Variants in PDHB observed in about 807,000 individuals in gnomAD.
PDHB encodes pyruvate dehydrogenase E1 component subunit beta, mitochondrial.
PDHB carries 17 observed loss-of-function variants against 42.8 expected under a neutral mutation model. The observed-to-expected ratio is 0.40, with a 90% CI of 0.27 to 0.60. The LOEUF is 0.60. Among genes scored for constraint, PDHB ranks in the 20% least tolerant of loss-of-function variants. The pLI, the probability that PDHB is intolerant of heterozygous loss-of-function variation, is 0.46. For missense variants in PDHB, 322 were observed against 451.3 expected (o/e 0.71, Z 2.60); for synonymous variants, 154 against 148.7 (o/e 1.04, Z -0.26).
Position 58,431,049 on chromosome 3 carries a change from A to T in PDHB, c.304-107T>A. ...CATTCAAATAATGTTTTTATTTTTT[A>T]TTTTTATTTTTTATGGACAGGGTCT... On this transcript the variant is annotated intron_variant, in intron 5 of 9. Transcript: ENST00000302746. This position sits in a 1 kb window ranked among gnomAD's most constrained non-coding sequence, Gnocchi z 4.4. The T allele has an allele frequency of 9.2e-7, 1 of 1,088,548 alleles. No homozygotes were observed. The highest frequency in any genetic ancestry group is 1.4e-6 in the Non-Finnish European group (1 of 732,554). 67.4% of individuals were successfully genotyped at this position (1,088,548 alleles called of 1,614,324 possible).
At chr3:58,429,662 AAAGGAGC>A (rs780261247) in intron 8 of PDHB, 39 bp downstream of exon 8, 2 of 1,167,004 alleles carry the variant, frequency 1.7e-6, no homozygotes, top group Non-Finnish European at 2.6e-6. Context: ...CTTAAATCTA[AAAGGAGC>A]CCTTCTAATT....
chr3:58,428,675 C>T lies in PDHB; in HGVS notation c.793-61G>A, dbSNP rs537906921. On this transcript the variant is annotated intron_variant, in intron 8 of 9. Transcript: ENST00000302746. ...TGCAGCACAAATAGAGCCTTATCCCCATAATACCATTTCCTTTTTTGTTTC... is the reference window on the plus strand; with the variant it reads ...TGCAGCACAAATAGAGCCTTATCCCTATAATACCATTTCCTTTTTTGTTTC... 5.7e-6 allele frequency: 8 copies of T among 1,405,286 alleles called. No individual in the cohort carries two copies. In the East Asian group the frequency reaches 1.4e-4, roughly 24 times the overall value. 87.1% of individuals were successfully genotyped at this position (1,405,286 alleles called of 1,614,324 possible).
chr3:58,432,425 G>A (rs1277369184), intron 2 of PDHB: 9 of 236,108 alleles, frequency 3.8e-5, no homozygotes, highest in Admixed American at 1.1e-4. Context: ...GGCCAGGCAC[G>A]GTGGCTCACA....
In PDHB at chr3:58,428,836, G is replaced by A; in HGVS notation, c.793-222C>T. 4 of 563,200 alleles carry A rather than the reference G, an allele frequency of 7.1e-6. No individual in the cohort carries two copies. In the South Asian group the frequency reaches 8.9e-5, roughly 13 times the overall value. The allele number at this position is 563,200 out of a possible 1,614,324, so 34.9% of individuals were successfully genotyped here. The stretch of plus-strand genomic sequence containing the variant: ...CACAAGCAGCTCTGTGCAGTTATAG[G>A]ATTCATTTATCTTCCTTCACTTTTT... On this transcript the variant is annotated intron_variant, in intron 8 of 9. Coordinates refer to ENST00000302746, the MANE Select transcript of PDHB (RefSeq NM_000925.4).
Position 58,431,957 on chromosome 3 carries a change from CCT to C in PDHB, c.122_123del (p.Gln41ArgfsTer4), listed in dbSNP as rs778727916. The C allele has an allele frequency of 1.2e-6, 2 of 1,613,758 alleles. No individual in the cohort carries two copies. Among genetic ancestry groups the C allele is most frequent in the Non-Finnish European group, 1.7e-6 (2 of 1,179,680 alleles). ...LQVTVRDAIN[Q>X]GMDEELERDE... ...TCTCTTTCCAGCTCCTCATCCATAC[CCT>C]GATTTATAGCATCACGAACTGTCAC... is the stretch of plus-strand genomic sequence containing the variant. On this transcript the variant is annotated frameshift_variant, in exon 3 of 10. Transcript: ENST00000302746. LOFTEE classifies it high-confidence loss of function. The surrounding 1 kb of genome is among the most constrained non-coding windows in gnomAD (Gnocchi z 4.4).
At position 58,429,278 on chromosome 3, in the gene PDHB, A is replaced by G. The variant is rs183127876; in HGVS notation, c.792+430T>C. Among the ~76,000 whole-genome samples, 303 of 152,306 alleles carry G rather than the reference A, an allele frequency of 2.0e-3. 1 individual carries two copies. The highest frequency in any genetic ancestry group is 2.8e-3 in the Non-Finnish European group (193 of 68,032). On this transcript the variant is annotated intron_variant, in intron 8 of 9. Transcript: ENST00000302746. Reference sequence around the variant, plus strand: ...AGCTGATGAAACAGATTTAGAGTATATAACTTGCCCAAGTATAACTAGCAC... The same window carrying G: ...AGCTGATGAAACAGATTTAGAGTATGTAACTTGCCCAAGTATAACTAGCAC...
intron 8 of PDHB, 36 bp downstream of exon 8, chr3:58,429,672 T>A (rs772267416): frequency 1.6e-6 from 2 of 1,277,262 alleles, no homozygotes; most frequent in Non-Finnish European, 2.3e-6. Flanking sequence ...AAAGGAGCCC[T>A]TCTAATTCTT....
chr3:58,430,855 A>T lies in PDHB; in HGVS notation c.391T>A (p.Tyr131Asn). ...GGCTGAAGGCCACCAGACATGTAGTAGGTCTTGGCAGCTGAGTTTATAACC... is the reference window on the plus strand; with the variant it reads ...GGCTGAAGGCCACCAGACATGTAGTTGGTCTTGGCAGCTGAGTTTATAACC... The part of the protein sequence containing the change: ...DQVINSAAKT[Y>N]YMSGGLQPVP... Residue 131 changes from tyrosine (Y) to asparagine (N), a missense_variant, in exon 6 of 10, where the codon TAC (tyrosine) becomes AAC (asparagine). Coordinates refer to ENST00000302746, the MANE Select transcript of PDHB (RefSeq NM_000925.4). 1 of 1,614,054 alleles carries T rather than the reference A, an allele frequency of 6.2e-7. No homozygotes were observed. The highest frequency in any genetic ancestry group is 2.2e-5 in the East Asian group (1 of 44,884).
At chr3:58,430,385 T>C in intron 6 of PDHB, 147 bp from the exon 7 acceptor site, 2 of 672,170 alleles carry the variant, frequency 3.0e-6, no homozygotes, top group Non-Finnish European at 5.1e-6. Flanking sequence ...TTGAGAGCAG[T>C]TTAGGTACTT....
At chr3:58,432,013 A>T in intron 2 of PDHB, 29 bp from the exon 3 acceptor site, 1 of 1,482,764 alleles carries the variant, frequency 6.7e-7, no homozygotes, top group South Asian at 1.1e-5. Flanking sequence ...AACAGTCAAT[A>T]CAGAATTGTT....
In PDHB at chr3:58,431,338, C is replaced by T. The variant is rs2062918382; in HGVS notation, c.303+255G>A. On this transcript the variant is annotated intron_variant, in intron 5 of 9. Coordinates refer to ENST00000302746, the MANE Select transcript of PDHB (RefSeq NM_000925.4). This position sits in a 1 kb window ranked among gnomAD's most constrained non-coding sequence, Gnocchi z 4.4. ...CCAAGGCGGTCGGATCACTTGAGGC[C>T]AGGAGTTCAAGACCAGCCTGGCCAA... 2.0e-6 allele frequency: 1 copy of T among 499,634 alleles called. No homozygotes were observed. The allele number at this position is 499,634 out of a possible 1,614,324, so 31.0% of individuals were successfully genotyped here.
chr3:58,431,197 C>T lies in PDHB; in HGVS notation c.304-255G>A. 2 of 549,010 alleles carry T rather than the reference C, an allele frequency of 3.6e-6. No homozygotes were observed. Among genetic ancestry groups the T allele is most frequent in the South Asian group, 4.3e-5 (2 of 46,908 alleles). The allele number at this position is 549,010 out of a possible 1,614,324, so 34.0% of individuals were successfully genotyped here. On this transcript the variant is annotated intron_variant, in intron 5 of 9. Transcript: ENST00000302746. The surrounding 1 kb of genome is among the most constrained non-coding windows in gnomAD (Gnocchi z 4.4). ...CTGGGACTGCAGGCAAGCACCACCA[C>T]ATCTACCTACTTGGTATTTTTTTTT...
chr3:58,431,074 T>TGAGA lies in PDHB; in HGVS notation c.304-133_304-132insTCTC. The TGAGA allele has an allele frequency of 6.5e-6, 6 of 921,422 alleles. No homozygotes were observed. Among genetic ancestry groups the TGAGA allele is most frequent in the South Asian group, 1.5e-5 (1 of 68,174 alleles). 57.1% of individuals were successfully genotyped at this position (921,422 alleles called of 1,614,324 possible). On this transcript the variant is annotated intron_variant, in intron 5 of 9. Transcript: ENST00000302746. The surrounding 1 kb of genome is among the most constrained non-coding windows in gnomAD (Gnocchi z 4.4). ...ATTTTTATTTTTTATGGACAGGGTCTCACTGTCACCCATGCTGGAGTGCAG... is the reference window on the plus strand; with the variant it reads ...ATTTTTATTTTTTATGGACAGGGTCTGAGACACTGTCACCCATGCTGGAGTGCAG...
rs373625575 is a variant in PDHB at position 58,432,694 on chromosome 3, CA to C, written c.97-711del. ...GGGCAGCAAGAGCAAAACTCCGTCT[CA>C]AAAAAAAAAAAGAAAATGTCGGGCT... On this transcript the variant is annotated intron_variant, in intron 2 of 9. Transcript: ENST00000302746. 924 of 121,564 alleles carry C rather than the reference CA, an allele frequency of 7.6e-3. 9 individuals are homozygous for C. The highest frequency in any genetic ancestry group is 0.071 in the Middle Eastern group (12 of 168). 7.5% of individuals were successfully genotyped at this position (121,564 alleles called of 1,614,324 possible).
chr3:58,431,375 C>A lies in PDHB; in HGVS notation c.303+218G>T, dbSNP rs2107940443. 2 of 546,156 alleles carry A rather than the reference C, an allele frequency of 3.7e-6. No individual in the cohort carries two copies. The highest frequency in any genetic ancestry group is 6.5e-6 in the Non-Finnish European group (2 of 305,444). The allele number at this position is 546,156 out of a possible 1,614,324, so 33.8% of individuals were successfully genotyped here. A position where few individuals can be genotyped will look rare whatever the true frequency, so the allele number is the denominator to read the frequency against. ...ACCAGCCTGGCCAACATGGTAAAAC[C>A]CCATCTCTACTAAAAACACAAAAAT... On this transcript the variant is annotated intron_variant, in intron 5 of 9. Coordinates refer to ENST00000302746, the MANE Select transcript of PDHB (RefSeq NM_000925.4). The surrounding 1 kb of genome is among the most constrained non-coding windows in gnomAD (Gnocchi z 4.4).
chr3:58,433,527 C>CCCACGGCGCCGGAAGG, intron 2 of PDHB, 104 bp downstream of exon 2: 1 of 1,280,482 alleles, frequency 7.8e-7, no homozygotes, highest in Non-Finnish European at 1.1e-6. Context: ...AAACCCAAGG[C>CCCACGGCGCCGGAAGG]CCACGGCGCC....
chr3:58,429,861 G>A (rs2062905068), intron 7 of PDHB, 62 bp from the exon 8 acceptor site: 2 of 989,264 alleles, frequency 2.0e-6, no homozygotes. Flanking sequence ...ACACCACTGT[G>A]CCGCCAGCTG....
chr3:58,428,375 G>A lies in PDHB; in HGVS notation c.934+98C>T, dbSNP rs752534681. 6.4e-6 allele frequency: 9 copies of A among 1,395,650 alleles called. No individual in the cohort carries two copies. The African/African-American group carries it at 1.1e-4, about 18-fold the overall frequency. 86.5% of individuals were successfully genotyped at this position (1,395,650 alleles called of 1,614,324 possible). ...ACAAGTTTAAAGTTGAAGTCGTTTG[G>A]CCACTCCTAGCTTTCAATCTCTTTA... On this transcript the variant is annotated intron_variant, in intron 9 of 9. Coordinates refer to ENST00000302746, the MANE Select transcript of PDHB (RefSeq NM_000925.4).
rs1396634852 is a variant in PDHB, at chr3:58,429,014, C to A, written c.793-400G>T. On this transcript the variant is annotated intron_variant, in intron 8 of 9. Transcript: ENST00000302746. The stretch of plus-strand genomic sequence containing the variant: ...GGATTACAGGCATAGACCACCACGC[C>A]TAGCTAATTTTTGTATTTTTAGTAG... 3.3e-5 allele frequency among the ~76,000 whole-genome samples: 5 copies of A among 152,266 alleles called. No homozygotes were observed. The South Asian group carries it at 6.2e-4, about 19-fold the overall frequency.
Sources: gnomAD v4.1 joint callset for allele counts (sites outside exome capture counted in the v4.1 genomes callset) on GRCh38, gnomAD v4.1.1 for gene constraint, Gnocchi (gnomAD v3.1) non-coding constraint, MANE v1.5 for transcripts, NCBI Gene and HGNC (gene_info 2026-07-23, HGNC 2026-07-21) for gene names.